CACNA1C: variants seen among roughly 807,000 people sequenced by gnomAD.
CACNA1C encodes calcium voltage-gated channel subunit alpha1 C, also known as voltage-dependent L-type calcium channel subunit alpha-1C.
CACNA1C carries 30 observed loss-of-function variants against 229.0 expected under a neutral mutation model. That is an observed-to-expected ratio of 0.13 (90% CI 0.10 to 0.18). The LOEUF (loss-of-function observed/expected upper bound fraction) is 0.18. Among genes scored for constraint, CACNA1C ranks in the 10% least tolerant of loss-of-function variants. CACNA1C has a pLI of 1.00. For missense variants in CACNA1C, 1,658 were observed against 2,845.0 expected (o/e 0.58, Z 9.49); for synonymous variants, 1,114 against 1,132.5 (o/e 0.98, Z 0.33).
At chr12:2,046,366 G>T (rs1452511126) in intron 1 of CACNA1C, among the ~76,000 whole-genome samples, 1 of 152,124 alleles carries the variant, frequency 6.6e-6, no homozygotes, top group Non-Finnish European at 1.5e-5. Flanking sequence ...GTACAGCTTT[G>T]GTGACTGAGC....
At chr12:2,184,258 C>T (rs1258053019) in intron 3 of CACNA1C, among the ~76,000 whole-genome samples, 1 of 152,220 alleles carries the variant, frequency 6.6e-6, no homozygotes, top group Non-Finnish European at 1.5e-5. Flanking sequence ...TCTGAAGCCA[C>T]GAGGCCTCGG....
intron 3 of CACNA1C, among the ~76,000 whole-genome samples, chr12:2,376,655 C>T (rs957485831): frequency 6.6e-6 from 1 of 152,176 alleles, no homozygotes; most frequent in Non-Finnish European, 1.5e-5. Context: ...TATATTTCTG[C>T]TCACAGGAGC....
At chr12:2,501,140 T>C (rs1378678086) in intron 7 of CACNA1C, among the ~76,000 whole-genome samples, 2 of 122,864 alleles carry the variant, frequency 1.6e-5, no homozygotes, top group African/African-American at 6.5e-5. Flanking sequence ...ACCCAGGAGG[T>C]GGAGCTTGCT....
chr12:2,644,999 G>A (rs900598853), intron 30 of CACNA1C, among the ~76,000 whole-genome samples: 2 of 152,084 alleles, frequency 1.3e-5, no homozygotes, highest in Non-Finnish European at 1.5e-5. Flanking sequence ...CCTCAGATAC[G>A]GAATAATAAC....
intron 42 of CACNA1C, among the ~76,000 whole-genome samples, chr12:2,680,192 G>T (rs1191390563): frequency 1.3e-5 from 2 of 151,938 alleles, no homozygotes; most frequent in African/African-American, 4.8e-5. Context: ...TGTTTCCATT[G>T]CTTCCCTGGA....
intron 3 of CACNA1C, among the ~76,000 whole-genome samples, chr12:2,430,279 C>T (rs892605037): frequency 6.6e-6 from 1 of 152,170 alleles, no homozygotes; most frequent in Non-Finnish European, 1.5e-5. Context: ...AACATTCGGA[C>T]CATAACAAGC....
At chr12:2,618,381 C>T (rs1568840643) in intron 29 of CACNA1C, among the ~76,000 whole-genome samples, 1 of 152,208 alleles carries the variant, frequency 6.6e-6, no homozygotes, top group Non-Finnish European at 1.5e-5. Flanking sequence ...GGACGGCACA[C>T]CAAAGAACAG....
chr12:2,452,677 C>T (rs375725666), intron 4 of CACNA1C, among the ~76,000 whole-genome samples: 2 of 152,270 alleles, frequency 1.3e-5, no homozygotes. Flanking sequence ...AATTTTCTAC[C>T]CTTTCAGAAT....
At position 2,505,000 on chromosome 12, in the gene CACNA1C, T is replaced by C; in HGVS notation, c.1217+55T>C. 1 of 891,058 alleles carries C rather than the reference T, an allele frequency of 1.1e-6. No homozygotes were observed. The highest frequency in any genetic ancestry group is 2.0e-5 in the Admixed American group (1 of 49,500). 55.2% of individuals were successfully genotyped at this position (891,058 alleles called of 1,614,324 possible). On this transcript the variant is annotated intron_variant, in intron 8 of 46. Coordinates refer to ENST00000399655, the MANE Select transcript of CACNA1C (RefSeq NM_000719.7). This position sits in a 1 kb window ranked among gnomAD's most constrained non-coding sequence, Gnocchi z 6.8. ...TTTTTCCATTTATTTTTATTTATTC[T>C]TTCTGCTATTCCTGGCTGTATTCTT... is the stretch of plus-strand genomic sequence containing the variant.
rs535579799 is a variant in CACNA1C, at chr12:2,679,138, C to T, written c.5092-306C>T. Among the ~76,000 whole-genome samples the T allele has an allele frequency of 2.6e-4, 40 of 152,344 alleles. No homozygotes were observed. Among genetic ancestry groups the T allele is most frequent in the Non-Finnish European group, 4.9e-4 (33 of 68,018 alleles). On this transcript the variant is annotated intron_variant, in intron 41 of 46. Transcript: ENST00000399655. The surrounding 1 kb of genome is among the most constrained non-coding windows in gnomAD (Gnocchi z 5.5). Reference sequence around the variant, plus strand: ...CAGCCTTCAGGGGCTTCACTGGAAACCTCCAGGGCAGCTCGTACCAGCGGC... The same window carrying T: ...CAGCCTTCAGGGGCTTCACTGGAAATCTCCAGGGCAGCTCGTACCAGCGGC...
intron 3 of CACNA1C, among the ~76,000 whole-genome samples, chr12:2,398,290 C>T (rs2098623015): frequency 6.6e-6 from 1 of 152,198 alleles, no homozygotes; most frequent in Non-Finnish European, 1.5e-5. Flanking sequence ...AGCTACCAGG[C>T]CAAGAAAATT....
upstream of CACNA1C, chr12:2,049,094 T>A (rs1203724745): frequency 6.6e-6 from 1 of 152,276 alleles, no homozygotes; most frequent in Non-Finnish European, 1.5e-5. Context: ...TTTTTCCACG[T>A]TACTAATATT....
intron 3 of CACNA1C, among the ~76,000 whole-genome samples, chr12:2,337,727 T>C (rs546224934): frequency 2.0e-5 from 3 of 152,188 alleles, no homozygotes; most frequent in African/African-American, 7.2e-5. Flanking sequence ...GGCAGAGTTA[T>C]CATGTGCGTT....
At chr12:2,329,214 C>A (rs1261590063) in intron 3 of CACNA1C, among the ~76,000 whole-genome samples, 1 of 152,184 alleles carries the variant, frequency 6.6e-6, no homozygotes, top group Non-Finnish European at 1.5e-5. Flanking sequence ...CACCCATTTT[C>A]TCTACCAGTA....
intron 10 of CACNA1C, among the ~76,000 whole-genome samples, chr12:2,551,006 C>G (rs531050152): frequency 6.6e-6 from 1 of 152,178 alleles, no homozygotes; most frequent in African/African-American, 2.4e-5. Flanking sequence ...TGTTAAAATA[C>G]GATGCTAATT....
chr12:2,188,996 G>C (rs574506102), intron 3 of CACNA1C, among the ~76,000 whole-genome samples: 1 of 151,340 alleles, frequency 6.6e-6, no homozygotes, highest in Admixed American at 6.6e-5. Flanking sequence ...GGGAGGCTGA[G>C]GCAGGAGAAT....
At chr12:2,640,405 CTG>C (rs2093526859) in intron 30 of CACNA1C, among the ~76,000 whole-genome samples, 1 of 152,238 alleles carries the variant, frequency 6.6e-6, no homozygotes, top group African/African-American at 2.4e-5. Context: ...CTTGACTTCT[CTG>C]TGTCGGTTGA....
At chr12:2,100,035 C>G (rs2154098819) in intron 1 of CACNA1C, among the ~76,000 whole-genome samples, 1 of 152,346 alleles carries the variant, frequency 6.6e-6, no homozygotes, top group Admixed American at 6.5e-5. Context: ...TGCCTGGTTT[C>G]CAGGTCCATG....
chr12:2,426,124 A>C (rs780071440), intron 3 of CACNA1C, among the ~76,000 whole-genome samples: 28 of 152,190 alleles, frequency 1.8e-4, no homozygotes, highest in Non-Finnish European at 3.1e-4. Context: ...AACCCAGCAC[A>C]GTTATTTTCA....
Sources: allele counts gnomAD v4.1 joint callset (sites outside exome capture counted in the v4.1 genomes callset), GRCh38; gene constraint gnomAD v4.1.1; non-coding constraint Gnocchi (gnomAD v3.1); transcripts MANE v1.5; gene names NCBI Gene and HGNC (gene_info 2026-07-23, HGNC 2026-07-21).